Variants in HSD17B6 observed in about 807,000 individuals in gnomAD.
HSD17B6 encodes hydroxysteroid 17-beta dehydrogenase 6.
Under a neutral mutation model 26.4 loss-of-function variants are expected in HSD17B6, and 16 were observed. The ratio of observed to expected loss-of-function variants is 0.61; its 90% CI spans 0.41 to 0.92. The LOEUF (loss-of-function observed/expected upper bound fraction) is 0.92. HSD17B6 is among the 40% of genes least tolerant of loss of function. The probability of loss-of-function intolerance (pLI) is 0.00; values close to 1 mark genes in which losing one functional copy is unlikely to be tolerated. For synonymous variants in HSD17B6, 139 were observed against 153.0 expected, an observed-to-expected ratio of 0.91 and a Z score of 0.68; for missense variants, 357 against 386.1, an observed-to-expected ratio of 0.92 and a Z score of 0.63.
intron 1 of HSD17B6, among the ~76,000 whole-genome samples, chr12:56,772,494 C>T (rs781623350): frequency 7.3e-5 from 11 of 151,680 alleles, no homozygotes; most frequent in Non-Finnish European, 1.2e-4. Context: ...CAGGAGTTCA[C>T]GACTAGCCTG....
At chr12:56,769,644 G>A (rs1428022245) in intron 1 of HSD17B6, among the ~76,000 whole-genome samples, 1 of 152,226 alleles carries the variant, frequency 6.6e-6, no homozygotes, top group Non-Finnish European at 1.5e-5. Flanking sequence ...ATAGCAGGAA[G>A]TTAATTGAGA....
chr12:56,764,790 C>T (rs910208870), intron 1 of HSD17B6, among the ~76,000 whole-genome samples: 1 of 152,100 alleles, frequency 6.6e-6, no homozygotes, highest in Non-Finnish European at 1.5e-5. Flanking sequence ...TGAACCCAGG[C>T]CATCTGGCCT....
chr12:56,771,867 G>A (rs975051662), intron 1 of HSD17B6, among the ~76,000 whole-genome samples: 2 of 152,144 alleles, frequency 1.3e-5, no homozygotes, highest in African/African-American at 4.8e-5. Flanking sequence ...CTGGTGGGAG[G>A]TGATTGGATC....
Position 56,771,490 on chromosome 12 carries a change from G to A in HSD17B6, c.-19-2344G>A, listed in dbSNP as rs114614551. On this transcript the variant is annotated intron_variant, in intron 1 of 4. Transcript: ENST00000322165. Reference sequence around the variant, plus strand: ...TTTTTTTTGAGATGGGCAGAATCTCGCTCTGTCACCCAGGCTGGAATGCAA... The same window carrying A: ...TTTTTTTTGAGATGGGCAGAATCTCACTCTGTCACCCAGGCTGGAATGCAA... Among the ~76,000 whole-genome samples, 698 of 127,610 alleles carry A rather than the reference G, an allele frequency of 5.5e-3. 1 individual carries two copies. The highest frequency in any genetic ancestry group is 0.02 in the African/African-American group (658 of 33,268). The allele number at this position is 127,610 out of a possible 152,430, so 83.7% of individuals were successfully genotyped here.
At chr12:56,769,963 C>T (rs148576041) in intron 1 of HSD17B6, among the ~76,000 whole-genome samples, 41 of 152,300 alleles carry the variant, frequency 2.7e-4, no homozygotes, top group African/African-American at 8.9e-4. Context: ...GGGGGAAATA[C>T]GTTTTCATCT....
chr12:56,774,017 A>T lies in HSD17B6; in HGVS notation c.165A>T (p.Arg55Ser). 6.2e-7 allele frequency: 1 copy of T among 1,614,072 alleles called. No individual in the cohort carries two copies. The highest frequency in any genetic ancestry group is 1.6e-4 in the Middle Eastern group (1 of 6,062). The change falls in exon 2 of 5, where the codon AGA becomes AGT. Residue 55 changes from arginine (R) to serine (S), a missense_variant. Arg to Ser is a moderately radical substitution (Grantham distance 110). Coordinates refer to ENST00000322165, the MANE Select transcript of HSD17B6 (RefSeq NM_003725.4). ...LARQLDARGLRVLAACLTEKG... is the reference protein window; with the variant it reads ...LARQLDARGLSVLAACLTEKG... ...GACAGCTGGATGCACGAGGCTTGAG[A>T]GTGCTGGCTGCGTGTCTGACGGAGA... is the stretch of plus-strand genomic sequence containing the variant.
At chr12:56,775,648 T>G (rs1038718438) in intron 2 of HSD17B6, among the ~76,000 whole-genome samples, 3 of 152,188 alleles carry the variant, frequency 2.0e-5, no homozygotes, top group Non-Finnish European at 2.9e-5. Context: ...TTTCCCTTTT[T>G]TTTTTGAGAC....
intron 4 of HSD17B6, chr12:56,786,042 A>AAATGTTCTAAATGTAGAT (rs1954866178): frequency 5.0e-6 from 3 of 602,680 alleles, no homozygotes; most frequent in Non-Finnish European, 6.2e-6. Context: ...GGGATGATGA[A>AAATGTTCTAAATGTAGAT]AATGTTCTAA....
At chr12:56,782,384 A>G in intron 3 of HSD17B6, 152 bp downstream of exon 3, 1 of 833,276 alleles carries the variant, frequency 1.2e-6, no homozygotes, top group Non-Finnish European at 1.8e-6. Context: ...ACAGGCTCAA[A>G]TTTTCTCATC....
chr12:56,781,292 T>C (rs890723840), intron 2 of HSD17B6, among the ~76,000 whole-genome samples: 11 of 152,230 alleles, frequency 7.2e-5, no homozygotes, highest in African/African-American at 9.6e-5. Flanking sequence ...TTAATCTCTT[T>C]ATATTTGTGC....
At chr12:56,783,762 C>A (rs1238752760) in intron 3 of HSD17B6, among the ~76,000 whole-genome samples, 4 of 140,792 alleles carry the variant, frequency 2.8e-5, no homozygotes, top group African/African-American at 8.0e-5. Context: ...CCAGTAGGGG[C>A]GGCCGGGCAG....
chr12:56,781,276 A>G (rs1217291138), intron 2 of HSD17B6, among the ~76,000 whole-genome samples: 1 of 151,620 alleles, frequency 6.6e-6, no homozygotes, highest in African/African-American at 2.4e-5. Context: ...CTTTTCTTTC[A>G]TGTTTTTAAT....
rs1381685040 is a variant in HSD17B6 at position 56,767,590 on chromosome 12, T to TTA, written c.-20+4185_-20+4186dup. On this transcript the variant is annotated intron_variant, in intron 1 of 4. Transcript: ENST00000322165. ...ATATACCCTCTATTGTGTATATATATTATATATATACACATACATATATTA... is the reference window on the plus strand; with the variant it reads ...ATATACCCTCTATTGTGTATATATATTATATATATATACACATACATATATTA... 7.0e-5 allele frequency among the ~76,000 whole-genome samples: 10 copies of TTA among 143,592 alleles called. No individual in the cohort carries two copies. The South Asian group carries it at 1.5e-3, about 21-fold the overall frequency. The allele number at this position is 143,592 out of a possible 152,430, so 94.2% of individuals were successfully genotyped here.
At chr12:56,786,046 G>A in intron 4 of HSD17B6, 2 of 616,292 alleles carry the variant, frequency 3.2e-6, no homozygotes, top group Non-Finnish European at 4.1e-6. Context: ...TGATGAAAAT[G>A]TTCTAAATGT....
At chr12:56,766,588 A>T (rs771756937) in intron 1 of HSD17B6, among the ~76,000 whole-genome samples, 1 of 152,232 alleles carries the variant, frequency 6.6e-6, no homozygotes, top group African/African-American at 2.4e-5. Flanking sequence ...GGCCTTGTAC[A>T]ACTAAGGTTT....
rs562851285 is a variant in HSD17B6 at position 56,782,847 on chromosome 12, A to T, written c.572+615A>T. Among the ~76,000 whole-genome samples the T allele has an allele frequency of 1.6e-3, 242 of 151,998 alleles. 1 individual carries two copies. The highest frequency in any genetic ancestry group is 5.7e-3 in the African/African-American group (238 of 41,462). ...GATTAGGGAGTGGTGATGACTCTTA[A>T]CGAGCATGCTGCCTTCAAGCATCTG... On this transcript the variant is annotated intron_variant, in intron 3 of 4. Coordinates refer to ENST00000322165, the MANE Select transcript of HSD17B6 (RefSeq NM_003725.4).
At position 56,785,003 on chromosome 12, in the gene HSD17B6, G is replaced by GT; in HGVS notation, c.724dup (p.Tyr242LeufsTer3). 6.2e-7 allele frequency: 1 copy of GT among 1,611,232 alleles called. No homozygotes were observed. The highest frequency in any genetic ancestry group is 1.1e-5 in the South Asian group (1 of 90,204). ...ATATTAAGGAGACCTATGGACAGCA[G>GT]TATTTTGATGCCCGTAAGCTTTTTT... On this transcript the variant is annotated frameshift_variant, in exon 4 of 5. Coordinates refer to ENST00000322165, the MANE Select transcript of HSD17B6 (RefSeq NM_003725.4). LOFTEE classifies it low-confidence loss of function (END_TRUNC).
chr12:56,785,534 G>A (rs1402715127), intron 4 of HSD17B6, among the ~76,000 whole-genome samples: 1 of 152,244 alleles, frequency 6.6e-6, no homozygotes, highest in East Asian at 1.9e-4. Flanking sequence ...TGGTCTCATG[G>A]TTGGCTTGGT....
At chr12:56,774,200 T>C (rs1954544268) in intron 2 of HSD17B6, 35 bp downstream of exon 2, 2 of 1,518,018 alleles carry the variant, frequency 1.3e-6, no homozygotes, top group Non-Finnish European at 1.8e-6. Flanking sequence ...TTACTTAGCA[T>C]GAAGATGCTA....
Sources: allele counts gnomAD v4.1 joint callset (sites outside exome capture counted in the v4.1 genomes callset), GRCh38; gene constraint gnomAD v4.1.1; transcripts MANE v1.5; gene names NCBI Gene and HGNC (gene_info 2026-07-23, HGNC 2026-07-21).